Variants in MYO16 observed in about 807,000 individuals in gnomAD.
MYO16 encodes unconventional myosin-XVI.
In MYO16, 94 loss-of-function variants were observed where a neutral mutation model predicts 205.3. The observed-to-expected ratio is 0.46, with a 90% confidence interval of 0.39 to 0.54. MYO16 has a LOEUF of 0.54. Among genes scored for constraint, MYO16 ranks in the 20% least tolerant of loss-of-function variants. The pLI is 0.00. For missense variants in MYO16, 2,315 were observed against 2,387.5 expected (o/e 0.97, Z 0.63); for synonymous variants, 988 against 954.0 (o/e 1.04, Z -0.66).
At chr13:108,679,909 G>A (rs1452934334) in intron 2 of MYO16, among the ~76,000 whole-genome samples, 2 of 151,846 alleles carry the variant, frequency 1.3e-5, no homozygotes, top group Admixed American at 6.6e-5. Context: ...ACTTCCCACT[G>A]TACCTAGGCT....
chr13:109,008,417 A>G (rs1332181042), intron 21 of MYO16, among the ~76,000 whole-genome samples: 1,345 of 127,042 alleles, frequency 0.011, 32 homozygotes, highest in African/African-American at 0.041. Flanking sequence ...CTACTGTACT[A>G]TCTATCTTGT....
At chr13:109,088,128 A>C (rs1031401125) in intron 27 of MYO16, among the ~76,000 whole-genome samples, 2 of 152,214 alleles carry the variant, frequency 1.3e-5, no homozygotes, top group Non-Finnish European at 2.9e-5. Context: ...TTTCAGCTCC[A>C]TCGCAGTCTG....
chr13:108,973,642 C>A (rs1364921550), intron 20 of MYO16, among the ~76,000 whole-genome samples: 1 of 152,072 alleles, frequency 6.6e-6, no homozygotes. Flanking sequence ...GGTCTCAAAA[C>A]TAGTGACTCC....
At chr13:108,749,269 C>T (rs1885156100) in intron 4 of MYO16, among the ~76,000 whole-genome samples, 1 of 152,100 alleles carries the variant, frequency 6.6e-6, no homozygotes, top group Non-Finnish European at 1.5e-5. Context: ...TTTATTCCGC[C>T]TATCTGGCTA....
chr13:109,130,954 C>T (rs1876504985), intron 31 of MYO16, among the ~76,000 whole-genome samples: 1 of 152,194 alleles, frequency 6.6e-6, no homozygotes, highest in Admixed American at 6.5e-5. Context: ...ATTTTTCCAT[C>T]ATCACCGAAG....
the MYO16 span, among the ~76,000 whole-genome samples, chr13:108,549,030 C>G: frequency 4.6e-5 from 7 of 152,144 alleles, no homozygotes; most frequent in African/African-American, 1.7e-4. Flanking sequence ...GTTCAGATTG[C>G]ACTGAACATA....
At chr13:108,826,914 C>T (rs1876302333) in intron 9 of MYO16, among the ~76,000 whole-genome samples, 1 of 152,080 alleles carries the variant, frequency 6.6e-6, no homozygotes, top group South Asian at 2.1e-4. Flanking sequence ...GAGGAACTGC[C>T]ACTCTCGTAT....
chr13:108,792,517 T>TTTC (rs2138942165), intron 5 of MYO16, among the ~76,000 whole-genome samples: 1 of 151,048 alleles, frequency 6.6e-6, no homozygotes, highest in South Asian at 2.1e-4. Context: ...AATGTCTTTT[T>TTTC]TTTTTTTTTT....
chr13:109,002,018 A>G (rs1452807694), intron 21 of MYO16, among the ~76,000 whole-genome samples: 1 of 152,198 alleles, frequency 6.6e-6, no homozygotes, highest in Non-Finnish European at 1.5e-5. Context: ...GTTGATGCAT[A>G]GTGCATTCTC....
intron 27 of MYO16, among the ~76,000 whole-genome samples, chr13:109,063,023 C>A (rs277842): frequency 0.74 from 113,136 of 152,076 alleles, 42,122 homozygotes; most frequent in East Asian, 0.89. Flanking sequence ...ACAACAACAA[C>A]AAAATGTCCA....
At chr13:108,780,068 C>T (rs754428878) in intron 4 of MYO16, 3 of 152,268 alleles carry the variant, frequency 2.0e-5, no homozygotes, top group Non-Finnish European at 2.9e-5. Flanking sequence ...AAGAGCAAAG[C>T]GTCCTTTCCT....
chr13:108,610,031 C>T (rs4238264), intron 1 of MYO16, among the ~76,000 whole-genome samples: 107,714 of 151,982 alleles, frequency 0.71, 38,348 homozygotes, highest in Non-Finnish European at 0.73. Context: ...TATTTAGGAA[C>T]AAACAGAATA....
intron 4 of MYO16, among the ~76,000 whole-genome samples, chr13:108,772,482 A>G (rs1369764398): frequency 3.3e-5 from 5 of 152,210 alleles, no homozygotes; most frequent in Admixed American, 2.6e-4. Flanking sequence ...CATTTGGTGC[A>G]TCAGTGTTCT....
At chr13:108,834,582 A>G (rs1048617661) in intron 9 of MYO16, among the ~76,000 whole-genome samples, 2 of 151,924 alleles carry the variant, frequency 1.3e-5, no homozygotes, top group South Asian at 4.2e-4. Flanking sequence ...TGAAACTGCT[A>G]TTAACTTGGA....
At chr13:109,061,100 C>A (rs1408550212) in intron 27 of MYO16, among the ~76,000 whole-genome samples, 1 of 113,378 alleles carries the variant, frequency 8.8e-6, no homozygotes, top group Non-Finnish European at 2.0e-5. Flanking sequence ...ATTTTTCCTG[C>A]AGTTTCCTCA....
chr13:109,171,409 AG>A (rs1878917070), intron 33 of MYO16, among the ~76,000 whole-genome samples: 1 of 152,248 alleles, frequency 6.6e-6, no homozygotes, highest in Non-Finnish European at 1.5e-5. Flanking sequence ...TAATTGAATC[AG>A]AAACAGTGTT....
intron 4 of MYO16, among the ~76,000 whole-genome samples, chr13:108,731,376 T>C (rs7325121): frequency 0.03 from 4,614 of 152,268 alleles, 227 homozygotes; most frequent in African/African-American, 0.11. Context: ...TATTAACTCA[T>C]AGGTAATAAA....
At chr13:109,107,545 A>G (rs1279660559) in intron 28 of MYO16, among the ~76,000 whole-genome samples, 2 of 152,018 alleles carry the variant, frequency 1.3e-5, no homozygotes, top group African/African-American at 4.8e-5. Flanking sequence ...CTTTTTTTAC[A>G]TTCTCTATGA....
At chr13:109,080,837 C>T (rs1888260607) in intron 27 of MYO16, among the ~76,000 whole-genome samples, 1 of 152,096 alleles carries the variant, frequency 6.6e-6, no homozygotes, top group African/African-American at 2.4e-5. Flanking sequence ...TTTGCAGCAA[C>T]CATTACTTGT....
Sources: allele counts gnomAD v4.1 joint callset (sites outside exome capture counted in the v4.1 genomes callset), GRCh38; gene constraint gnomAD v4.1.1; transcripts MANE v1.5; gene names NCBI Gene and HGNC (gene_info 2026-07-23, HGNC 2026-07-21).